VWA2: variants seen among roughly 807,000 people sequenced by gnomAD.
The protein encoded by VWA2 is von Willebrand factor A domain containing 2.
Under a neutral mutation model 70.4 loss-of-function variants are expected in VWA2, and 73 were observed. The ratio of observed to expected loss-of-function variants is 1.04; its 90% CI spans 0.86 to 1.26. The LOEUF (loss-of-function observed/expected upper bound fraction) is 1.26, where lower values mean the gene tolerates loss of function less well. VWA2 is among the 50% of genes most tolerant of loss of function. The probability of loss-of-function intolerance (pLI) is 0.00; values close to 1 mark genes in which losing one functional copy is unlikely to be tolerated. For missense variants in VWA2, 1,011 were observed against 998.5 expected, an observed-to-expected ratio of 1.01 and a Z score of -0.17; for synonymous variants, 407 against 423.3, an observed-to-expected ratio of 0.96 and a Z score of 0.47.
chr10:114,266,059 A>G (rs2037556506), intron 5 of VWA2, among the ~76,000 whole-genome samples: 1 of 152,158 alleles, frequency 6.6e-6, no homozygotes, highest in Non-Finnish European at 1.5e-5. Flanking sequence ...GCACTTTGGG[A>G]GGCCGAGGTG....
chr10:114,277,822 C>CT (rs2037882503), intron 6 of VWA2, 92 bp from the exon 7 acceptor site: 2 of 1,455,566 alleles, frequency 1.4e-6, no homozygotes, highest in South Asian at 2.9e-5. Context: ...TAAATCTGTG[C>CT]TGCCATCCAC....
chr10:114,244,793 A>G (rs1368508207), intron 1 of VWA2, among the ~76,000 whole-genome samples: 1 of 152,268 alleles, frequency 6.6e-6, no homozygotes, highest in Admixed American at 6.5e-5. Flanking sequence ...CGTTCATTTC[A>G]TTAATCTTGG....
rs1564746754 is a variant in VWA2 at position 114,289,025 on chromosome 10, T to G, written c.1658T>G (p.Phe553Cys). 2 of 1,614,168 alleles carry G rather than the reference T, an allele frequency of 1.2e-6. No individual in the cohort carries two copies. The highest frequency in any genetic ancestry group is 2.2e-5 in the East Asian group (1 of 44,854). The part of the protein sequence containing the change: ...GPENFAQMQS[F>C]VRSCALQFEV... ...GAGAATTTTGCTCAGATGCAGAGCT[T>G]TGTGAGAAGCTGTGCCCTCCAGTTT... The change falls in exon 12 of 14, where the codon TTT becomes TGT. Residue 553 changes from phenylalanine (F) to cysteine (C), a missense_variant. By Grantham distance (205) the Phe-to-Cys change is radical. Coordinates refer to ENST00000392982, the MANE Select transcript of VWA2 (RefSeq NM_001272046.2).
chr10:114,254,796 C>T, intron 3 of VWA2, 119 bp from the exon 4 acceptor site: 3 of 1,395,114 alleles, frequency 2.2e-6, no homozygotes, highest in East Asian at 2.3e-5. Context: ...CAGTTCTCCC[C>T]TTTCATGCTA....
intron 1 of VWA2, chr10:114,246,346 C>A (rs1159007936): frequency 3.5e-6 from 2 of 576,632 alleles, no homozygotes; most frequent in East Asian, 2.9e-5. Context: ...ACTAAAAATA[C>A]AAAAATTAGC....
intron 2 of VWA2, among the ~76,000 whole-genome samples, chr10:114,252,347 G>A (rs1231863072): frequency 6.6e-6 from 1 of 152,152 alleles, no homozygotes; most frequent in East Asian, 1.9e-4. Context: ...AGTAGAGATT[G>A]AGGGGAGGAG....
rs1334170627 is a variant in VWA2 at position 114,289,454 on chromosome 10, A to G, written c.2087A>G (p.Tyr696Cys). Reference sequence around the variant, plus strand: ...GTGGCAGCTTACGCCGACCTGCGGTACCACCAGGACGTGCTCATTGAGTGG... The same window carrying G: ...GTGGCAGCTTACGCCGACCTGCGGTGCCACCAGGACGTGCTCATTGAGTGG... The part of the protein sequence containing the change: ...IHVAAYADLR[Y>C]HQDVLIEWLC... Residue 696 changes from tyrosine (Y) to cysteine (C), a missense_variant, in exon 12 of 14, where the codon TAC becomes TGC. By Grantham distance (194) the Tyr-to-Cys change is radical. Coordinates refer to ENST00000392982, the MANE Select transcript of VWA2 (RefSeq NM_001272046.2). 1.9e-6 allele frequency: 3 copies of G among 1,614,006 alleles called. No homozygotes were observed. Among genetic ancestry groups the G allele is most frequent in the African/African-American group, 2.7e-5 (2 of 74,894 alleles).
rs370581067 is a variant in VWA2, at chr10:114,268,976, T to G, written c.372-3764T>G. On this transcript the variant is annotated intron_variant, in intron 5 of 13. Coordinates refer to ENST00000392982, the MANE Select transcript of VWA2 (RefSeq NM_001272046.2). ...TTCCAAAGTGCTGGGCCTTCCAAAG[T>G]GCTGGGATTACAGGCGTGAGCCACC... 7.2e-5 allele frequency among the ~76,000 whole-genome samples: 11 copies of G among 152,078 alleles called. No homozygotes were observed. In the East Asian group the frequency reaches 2.2e-3, roughly 30 times the overall value.
In VWA2 at chr10:114,276,035, CAGTT is replaced by C. The variant is rs1175104955; in HGVS notation, c.567-1874_567-1871del. 2.6e-5 allele frequency among the ~76,000 whole-genome samples: 4 copies of C among 152,140 alleles called. No individual in the cohort carries two copies. In the East Asian group the frequency reaches 7.7e-4, roughly 29 times the overall value. ...ATAAAATGACTGTCTCATCGCTGTC[CAGTT>C]AGTTTGTCAGTGTTTCAGTGTCTGC... On this transcript the variant is annotated intron_variant, in intron 6 of 13. Coordinates refer to ENST00000392982, the MANE Select transcript of VWA2 (RefSeq NM_001272046.2).
At chr10:114,284,088 A>G (rs935691418) in intron 9 of VWA2, among the ~76,000 whole-genome samples, 1 of 152,200 alleles carries the variant, frequency 6.6e-6, no homozygotes, top group African/African-American at 2.4e-5. Flanking sequence ...ATAATTGATA[A>G]GGAAAGCAAT....
intron 6 of VWA2, among the ~76,000 whole-genome samples, chr10:114,273,891 G>A (rs1278983330): frequency 6.6e-6 from 1 of 152,144 alleles, no homozygotes; most frequent in Non-Finnish European, 1.5e-5. Flanking sequence ...AATGCAAAAG[G>A]GAAAAATAAA....
intron 6 of VWA2, among the ~76,000 whole-genome samples, chr10:114,273,839 A>G (rs575111632): frequency 1.3e-5 from 2 of 152,372 alleles, no homozygotes; most frequent in East Asian, 1.9e-4. Flanking sequence ...GAAAGGAACT[A>G]GATAATAAAT....
At chr10:114,288,856 C>T (rs2039229932) in intron 11 of VWA2, 82 bp from the exon 12 acceptor site, 1 of 1,499,486 alleles carries the variant, frequency 6.7e-7, no homozygotes, top group Non-Finnish European at 9.0e-7. Context: ...CTTGGTCCTA[C>T]CCAACCTGGC....
chr10:114,278,898 C>A, intron 8 of VWA2, 47 bp downstream of exon 8: 1 of 1,608,172 alleles, frequency 6.2e-7, no homozygotes, highest in Non-Finnish European at 8.5e-7. Flanking sequence ...ATGAAGGCCC[C>A]CACCCCTGAG....
In VWA2 at chr10:114,271,660, C is replaced by T. The variant is rs543705082; in HGVS notation, c.372-1080C>T. Among the ~76,000 whole-genome samples the T allele has an allele frequency of 4.0e-5, 6 of 150,776 alleles. No homozygotes were observed. In the East Asian group the frequency reaches 9.7e-4, roughly 24 times the overall value. ...ACACACACAGCAGGTAATGCCCATG[C>T]GTCTTGTCAGTTGGATGTTTTCTCA... On this transcript the variant is annotated intron_variant, in intron 5 of 13. Coordinates refer to ENST00000392982, the MANE Select transcript of VWA2 (RefSeq NM_001272046.2).
At chr10:114,283,721 T>G (rs1215119977) in intron 9 of VWA2, among the ~76,000 whole-genome samples, 3 of 152,228 alleles carry the variant, frequency 2.0e-5, no homozygotes, top group African/African-American at 4.8e-5. Context: ...GCGTGTATTG[T>G]GCTTAGCACA....
rs1309214860 is a variant in VWA2 at position 114,291,428 on chromosome 10, G to T, written c.*191G>T. On this transcript the variant is annotated 3_prime_UTR_variant, in exon 14 of 14. Transcript: ENST00000392982. ...AGGATGTCCCAACTGCAGCCATGCTGCTTAGAGACAAGAAAGCAGCTGATG... is the reference window on the plus strand; with the variant it reads ...AGGATGTCCCAACTGCAGCCATGCTTCTTAGAGACAAGAAAGCAGCTGATG... The T allele has an allele frequency of 6.2e-6, 4 of 643,362 alleles. No individual in the cohort carries two copies. The highest frequency in any genetic ancestry group is 5.7e-5 in the African/African-American group (3 of 53,058). 39.9% of individuals were successfully genotyped at this position (643,362 alleles called of 1,614,324 possible).
intron 2 of VWA2, 88 bp from the exon 3 acceptor site, chr10:114,253,563 A>T: frequency 8.8e-7 from 1 of 1,135,452 alleles, no homozygotes; most frequent in Non-Finnish European, 1.3e-6. Flanking sequence ...CTCTGATGTT[A>T]CCTGTTTAGT....
chr10:114,263,267 G>C (rs2037483993), intron 5 of VWA2, among the ~76,000 whole-genome samples: 1 of 150,426 alleles, frequency 6.6e-6, no homozygotes, highest in South Asian at 2.1e-4. Context: ...CACCTGTCTT[G>C]CCCTCCCAAG....
Sources: gnomAD v4.1 joint callset for allele counts (sites outside exome capture counted in the v4.1 genomes callset) on GRCh38, gnomAD v4.1.1 for gene constraint, MANE v1.5 for transcripts, NCBI Gene and HGNC (gene_info 2026-07-23, HGNC 2026-07-21) for gene names.